The following ADCY9 variants were observed in gnomAD, a reference collection of about 807,000 sequenced individuals.
ADCY9 encodes adenylate cyclase 9, also known as adenylate cyclase type 9.
ADCY9 carries 50 observed loss-of-function variants against 101.5 expected under a neutral mutation model. The observed-to-expected ratio is 0.49, with a 90% confidence interval of 0.39 to 0.62. The LOEUF is 0.62. Ranked by LOEUF, ADCY9 falls within the 20% of genes least tolerant of loss-of-function variation. ADCY9 has a pLI of 0.00. For missense variants in ADCY9, 1,662 were observed against 1,800.4 expected (o/e 0.92, Z 1.39); for synonymous variants, 905 against 769.3 (o/e 1.18, Z -2.92).
At chr16:4,071,346 A>T (rs990686406) in intron 2 of ADCY9, among the ~76,000 whole-genome samples, 4 of 143,668 alleles carry the variant, frequency 2.8e-5, no homozygotes, top group African/African-American at 7.7e-5. Context: ...AAAAAAAAAA[A>T]AAAAAAAAAA....
downstream of ADCY9, among the ~76,000 whole-genome samples, chr16:3,958,752 A>ACCTCTG (rs1320776762): frequency 7.1e-6 from 1 of 140,916 alleles, no homozygotes; most frequent in Non-Finnish European, 1.5e-5. Context: ...GCTCACTGCA[A>ACCTCTG]CCTCTGCCTC....
intron 2 of ADCY9, among the ~76,000 whole-genome samples, chr16:4,016,996 T>C (rs1053709535): frequency 6.6e-6 from 1 of 152,054 alleles, no homozygotes; most frequent in Admixed American, 6.6e-5. Context: ...AATAAAGCTG[T>C]TTTTTTGAAA....
chr16:4,010,379 C>A (rs994697185), intron 2 of ADCY9, among the ~76,000 whole-genome samples: 1 of 152,212 alleles, frequency 6.6e-6, no homozygotes, highest in East Asian at 1.9e-4. Context: ...ACATTCACAG[C>A]GCTCAGCACG....
chr16:3,997,696 G>A (rs2056298106), intron 3 of ADCY9, among the ~76,000 whole-genome samples: 1 of 152,236 alleles, frequency 6.6e-6, no homozygotes. Context: ...GAGTATGGGA[G>A]GTGGGGGGAG....
rs939961021 is a variant in ADCY9, at chr16:3,963,578, G to A, written c.*2197C>T. On this transcript the variant is annotated 3_prime_UTR_variant, in exon 11 of 11. Transcript: ENST00000294016. The stretch of plus-strand genomic sequence containing the variant: ...CCACTTTGCAGCTCCTTGGTTTCCC[G>A]GGGTGAGGAATCACAAACACCTTTG... 1.3e-5 allele frequency: 5 copies of A among 371,948 alleles called. No homozygotes were observed. Among genetic ancestry groups the A allele is most frequent in the Non-Finnish European group, 2.4e-5 (5 of 209,590 alleles). 23.0% of individuals were successfully genotyped at this position (371,948 alleles called of 1,614,324 possible). A position where few individuals can be genotyped will look rare whatever the true frequency, so the allele number is the denominator to read the frequency against.
intron 2 of ADCY9, among the ~76,000 whole-genome samples, chr16:4,077,275 C>T (rs2532017): frequency 0.37 from 56,633 of 151,874 alleles, 10,798 homozygotes; most frequent in East Asian, 0.52. Context: ...CTTGTCCCCC[C>T]CCGAGGACAC....
rs571354165 is a variant in ADCY9 at position 3,963,648 on chromosome 16, G to A, written c.*2127C>T. The A allele has an allele frequency of 1.2e-4, 37 of 306,334 alleles. No homozygotes were observed. Among genetic ancestry groups the A allele is most frequent in the African/African-American group, 7.9e-4 (37 of 46,550 alleles). 19.0% of individuals were successfully genotyped at this position (306,334 alleles called of 1,614,324 possible). On this transcript the variant is annotated 3_prime_UTR_variant, in exon 11 of 11. Transcript: ENST00000294016. ...GCTTGATGGGGAAGAAGTGTGTGCG[G>A]AGAACTTTGCGGAGCATGTTCTGAG...
intron 5 of ADCY9, among the ~76,000 whole-genome samples, chr16:3,954,047 G>C (rs991333984): frequency 7.2e-5 from 11 of 152,202 alleles, no homozygotes; most frequent in Non-Finnish European, 1.2e-4. Flanking sequence ...ATTTCACAGA[G>C]GATGGTAAGG....
intron 2 of ADCY9, among the ~76,000 whole-genome samples, chr16:4,035,959 A>G (rs1398385008): frequency 8.2e-6 from 1 of 122,646 alleles, no homozygotes; most frequent in Non-Finnish European, 1.6e-5. Context: ...AAATCGTGCC[A>G]TTGCACTCCA....
chr16:4,081,812 G>A (rs558929797), intron 2 of ADCY9, among the ~76,000 whole-genome samples: 11 of 147,756 alleles, frequency 7.4e-5, no homozygotes, highest in African/African-American at 2.3e-4. Context: ...AAGAGCAAGA[G>A]GGGGGCAGCA....
chr16:4,047,647 A>G lies in ADCY9; in HGVS notation c.1694-40089T>C, dbSNP rs117067210. ...CTTCAAAGTTCTGTCTGCATGACCA[A>G]TCAGGTCCTTTGGTTGAAATCCATG... is the stretch of plus-strand genomic sequence containing the variant. On this transcript the variant is annotated intron_variant, in intron 2 of 10. Coordinates refer to ENST00000294016, the MANE Select transcript of ADCY9 (RefSeq NM_001116.4). 2.2e-4 allele frequency among the ~76,000 whole-genome samples: 33 copies of G among 152,154 alleles called. 1 individual carries two copies. The East Asian group carries it at 6.2e-3, about 28-fold the overall frequency.
At chr16:3,990,075 C>G (rs1284281603) in intron 5 of ADCY9, among the ~76,000 whole-genome samples, 1 of 152,156 alleles carries the variant, frequency 6.6e-6, no homozygotes, top group African/African-American at 2.4e-5. Flanking sequence ...TTCTATACTG[C>G]AGAAAATTAC....
intron 2 of ADCY9, among the ~76,000 whole-genome samples, chr16:4,090,542 C>T (rs998626512): frequency 6.6e-6 from 1 of 151,996 alleles, no homozygotes; most frequent in East Asian, 1.9e-4. Context: ...GAAACCGTCC[C>T]ACCTCCCTGT....
chr16:4,104,552 G>C lies in ADCY9; in HGVS notation c.1693+9198C>G, dbSNP rs906132944. 3.3e-5 allele frequency among the ~76,000 whole-genome samples: 5 copies of C among 151,848 alleles called. No homozygotes were observed. In the South Asian group the frequency reaches 6.2e-4, roughly 19 times the overall value. ...ACTTGAGCCCAGGAGGTCAAGGCTG[G>C]AGTGAGCTATGGTAGCACCACTGCA... On this transcript the variant is annotated intron_variant, in intron 2 of 10. Coordinates refer to ENST00000294016, the MANE Select transcript of ADCY9 (RefSeq NM_001116.4).
At chr16:3,971,164 C>G (rs185650672) in intron 10 of ADCY9, among the ~76,000 whole-genome samples, 1 of 152,182 alleles carries the variant, frequency 6.6e-6, no homozygotes, top group East Asian at 1.9e-4. Flanking sequence ...GCCTGGACAC[C>G]GAGACTTTAA....
intron 5 of ADCY9, among the ~76,000 whole-genome samples, chr16:3,953,780 C>G (rs187826042): frequency 5.6e-4 from 86 of 152,346 alleles, no homozygotes; most frequent in Non-Finnish European, 9.0e-4. Flanking sequence ...CCTGCTTGAA[C>G]CGCCGTCACC....
downstream of ADCY9, among the ~76,000 whole-genome samples, chr16:3,961,051 A>T (rs2055934948): frequency 6.6e-6 from 1 of 152,184 alleles, no homozygotes; most frequent in South Asian, 2.1e-4. Flanking sequence ...TGAAAGAGAA[A>T]CCACAAATGA....
intron 2 of ADCY9, among the ~76,000 whole-genome samples, chr16:4,062,579 C>G (rs1348687687): frequency 6.6e-6 from 1 of 152,126 alleles, no homozygotes; most frequent in Non-Finnish European, 1.5e-5. Flanking sequence ...GTATGGGAGG[C>G]TGTGGCAGGT....
At chr16:4,009,817 G>C (rs908043181) in intron 2 of ADCY9, among the ~76,000 whole-genome samples, 5 of 152,322 alleles carry the variant, frequency 3.3e-5, no homozygotes, top group Middle Eastern at 3.4e-3. Flanking sequence ...GGACTCAAGA[G>C]AGGACAATGA....
Sources: allele counts gnomAD v4.1 joint callset (sites outside exome capture counted in the v4.1 genomes callset), GRCh38; gene constraint gnomAD v4.1.1; transcripts MANE v1.5; gene names NCBI Gene and HGNC (gene_info 2026-07-23, HGNC 2026-07-21).